Variants in SAP130 observed in about 807,000 individuals in gnomAD.
The protein encoded by SAP130 is Sin3A associated protein 130, also known as histone deacetylase complex subunit SAP130.
Under a neutral mutation model 103.2 loss-of-function variants are expected in SAP130, and 16 were observed. The observed-to-expected ratio is 0.16, with a 90% CI of 0.10 to 0.24. SAP130 has a LOEUF of 0.24. Among genes scored for constraint, SAP130 ranks in the 10% least tolerant of loss-of-function variants. The pLI is 1.00. For missense variants in SAP130, 990 were observed against 1,359.7 expected (o/e 0.73, Z 4.28); for synonymous variants, 477 against 497.0 (o/e 0.96, Z 0.53).
At chr2:127,987,472 C>T (rs1682484438) in intron 13 of SAP130, among the ~76,000 whole-genome samples, 1 of 152,148 alleles carries the variant, frequency 6.6e-6, no homozygotes, top group African/African-American at 2.4e-5. Flanking sequence ...AGGCGTGAGC[C>T]ACCACACTTG....
chr2:128,026,548 T>C lies in SAP130; in HGVS notation c.-6-250A>G, dbSNP rs7565003. 6.8e-3 allele frequency among the ~76,000 whole-genome samples: 1,043 copies of C among 152,324 alleles called. 18 individuals carry two copies. The highest frequency in any genetic ancestry group is 0.024 in the African/African-American group (1,000 of 41,580). ...CTCCATAAATACTTGTGGATTGCTATGCTAAAAAAATCACCATTGAATCCT... is the reference window on the plus strand; with the variant it reads ...CTCCATAAATACTTGTGGATTGCTACGCTAAAAAAATCACCATTGAATCCT... On this transcript the variant is annotated intron_variant, in intron 1 of 20. Coordinates refer to ENST00000643581, the MANE Select transcript of SAP130 (RefSeq NM_001330301.2).
intron 18 of SAP130, among the ~76,000 whole-genome samples, chr2:127,945,962 T>C (rs1679050266): frequency 6.6e-6 from 1 of 151,938 alleles, no homozygotes; most frequent in African/African-American, 2.4e-5. Context: ...CATAAGAACT[T>C]TTTTATTTGA....
In SAP130 at chr2:127,947,764, C is replaced by CTGTGTGAGTGTG. The variant is rs1553500424; in HGVS notation, c.2797+2104_2797+2105insCACACTCACACA. 2.0e-3 allele frequency among the ~76,000 whole-genome samples: 280 copies of CTGTGTGAGTGTG among 143,418 alleles called. 1 individual carries two copies. The highest frequency in any genetic ancestry group is 7.6e-3 in the East Asian group (37 of 4,878). The allele number at this position is 143,418 out of a possible 152,430, so 94.1% of individuals were successfully genotyped here. On this transcript the variant is annotated intron_variant, in intron 18 of 20. Transcript: ENST00000643581. ...TGAATTAATTTTGTATTGTGTGTGT[C>CTGTGTGAGTGTG]TGTGTGTGTGTGTGTGTGTGTGTGT...
In SAP130 at chr2:127,986,667, A is replaced by C; in HGVS notation, c.1958+118T>G. The C allele has an allele frequency of 1.7e-6, 2 of 1,169,806 alleles. No homozygotes were observed. Among genetic ancestry groups the C allele is most frequent in the Admixed American group, 4.4e-5 (2 of 45,284 alleles). 72.5% of individuals were successfully genotyped at this position (1,169,806 alleles called of 1,614,324 possible). ...GTCAAGTTGTTTTGGAGGAAATTTT[A>C]ACACACCACAGAAAATGAGAGATGA... On this transcript the variant is annotated intron_variant, in intron 14 of 20. Transcript: ENST00000643581. This position sits in a 1 kb window ranked among gnomAD's most constrained non-coding sequence, Gnocchi z 4.7.
intron 16 of SAP130, among the ~76,000 whole-genome samples, chr2:127,952,674 T>C (rs1330143119): frequency 6.6e-6 from 1 of 152,182 alleles, no homozygotes; most frequent in Non-Finnish European, 1.5e-5. Context: ...CAAAGGTCAC[T>C]GCTCAGACCT....
At chr2:127,964,607 T>A (rs1003626201) in intron 15 of SAP130, among the ~76,000 whole-genome samples, 1 of 151,200 alleles carries the variant, frequency 6.6e-6, no homozygotes, top group Non-Finnish European at 1.5e-5. Context: ...TTCATGGCCT[T>A]AAATACTGAA....
At chr2:127,960,085 A>G (rs369412424) in intron 15 of SAP130, among the ~76,000 whole-genome samples, 3 of 152,220 alleles carry the variant, frequency 2.0e-5, no homozygotes, top group African/African-American at 7.2e-5. Context: ...AAGATGGATC[A>G]GTATTATTAG....
At chr2:127,948,634 G>A (rs535202006) in intron 18 of SAP130, among the ~76,000 whole-genome samples, 5 of 152,082 alleles carry the variant, frequency 3.3e-5, no homozygotes, top group South Asian at 4.2e-4. Flanking sequence ...GAATCACCGC[G>A]CCTGGCCTCC....
rs1679787110 is a variant in SAP130 at position 127,955,618 on chromosome 2, C to G, written c.2064-274G>C. ...TCTCCCACCTCATCCTCCCGAGTAGCTGAGACTACAGGTGTGTGCCACCAT... is the reference window on the plus strand; with the variant it reads ...TCTCCCACCTCATCCTCCCGAGTAGGTGAGACTACAGGTGTGTGCCACCAT... On this transcript the variant is annotated intron_variant, in intron 15 of 20. Coordinates refer to ENST00000643581, the MANE Select transcript of SAP130 (RefSeq NM_001330301.2). The surrounding 1 kb of genome is among the most constrained non-coding windows in gnomAD (Gnocchi z 4.9). Among the ~76,000 whole-genome samples, 2 of 152,230 alleles carry G rather than the reference C, an allele frequency of 1.3e-5. No individual in the cohort carries two copies. The highest frequency in any genetic ancestry group is 4.1e-4 in the South Asian group (2 of 4,826).
chr2:127,976,352 C>T (rs1340962102), intron 15 of SAP130, among the ~76,000 whole-genome samples: 1 of 152,104 alleles, frequency 6.6e-6, no homozygotes. Context: ...ACTCTGTCTC[C>T]CTTTCTTCTT....
chr2:127,999,383 G>A (rs543854174), intron 10 of SAP130, among the ~76,000 whole-genome samples: 4 of 152,062 alleles, frequency 2.6e-5, no homozygotes, highest in African/African-American at 7.2e-5. Flanking sequence ...AGGCCGAGGC[G>A]GGCAGATCAT....
Position 127,942,278 on chromosome 2 carries a change from G to A in SAP130, c.3016-114C>T. The A allele has an allele frequency of 8.5e-7, 1 of 1,180,992 alleles. No homozygotes were observed. The highest frequency in any genetic ancestry group is 1.2e-6 in the Non-Finnish European group (1 of 824,962). The allele number at this position is 1,180,992 out of a possible 1,614,324, so 73.2% of individuals were successfully genotyped here. A position where few individuals can be genotyped will look rare whatever the true frequency, so the allele number is the denominator to read the frequency against. ...TTGAGGCTTCCACAACAGAGAAAAT[G>A]TCTTTTTGTTTCTCAGGAGTGCAGG... On this transcript the variant is annotated intron_variant, in intron 20 of 20. Coordinates refer to ENST00000643581, the MANE Select transcript of SAP130 (RefSeq NM_001330301.2). The surrounding 1 kb of genome is among the most constrained non-coding windows in gnomAD (Gnocchi z 4.8).
chr2:127,956,588 G>A (rs1420518885), intron 15 of SAP130, among the ~76,000 whole-genome samples: 1 of 150,040 alleles, frequency 6.7e-6, no homozygotes, highest in Non-Finnish European at 1.5e-5. Flanking sequence ...AGCATTAGGA[G>A]ATCTACCTAA....
At position 127,993,243 on chromosome 2, in the gene SAP130, G is replaced by A. The variant is rs772585265; in HGVS notation, c.1421C>T (p.Ala474Val). 3 of 1,613,934 alleles carry A rather than the reference G, an allele frequency of 1.9e-6. No individual in the cohort carries two copies. The highest frequency in any genetic ancestry group is 2.5e-6 in the Non-Finnish European group (3 of 1,179,928). Residue 474 changes from alanine to valine, a missense_variant, in exon 12 of 21, where the codon GCG becomes GTG. Ala to Val is a moderately conservative substitution (Grantham distance 64). This residue lies in a region of SAP130 where 336 missense variants were observed against 520.1 expected (regional missense o/e 0.65). Coordinates refer to ENST00000643581, the MANE Select transcript of SAP130 (RefSeq NM_001330301.2). ...GGTGATTGGGGTGTAGGTATGTGCCGCCAGTGGGTATGCAGAAGGGGGGTA... is the reference window on the plus strand; with the variant it reads ...GGTGATTGGGGTGTAGGTATGTGCCACCAGTGGGTATGCAGAAGGGGGGTA... ...PTYPPSAYPL[A>V]AHTYTPITSS...
rs1170306199 is a variant in SAP130, at chr2:128,027,927, G to C, written c.-7+13C>G. On this transcript the variant is annotated intron_variant, in intron 1 of 20. Coordinates refer to ENST00000643581, the MANE Select transcript of SAP130 (RefSeq NM_001330301.2). ...TCCTCCCCTTCCCTCCCGGGCGCCC[G>C]TCCCGCCATTACCTGGGTGCTGCGC... 1.0e-6 allele frequency: 1 copy of C among 983,758 alleles called. No homozygotes were observed. The highest frequency in any genetic ancestry group is 1.8e-5 in the African/African-American group (1 of 56,578). The allele number at this position is 983,758 out of a possible 1,614,324, so 60.9% of individuals were successfully genotyped here.
chr2:127,963,373 G>A (rs1275335505), intron 15 of SAP130, among the ~76,000 whole-genome samples: 1 of 152,092 alleles, frequency 6.6e-6, no homozygotes, highest in Non-Finnish European at 1.5e-5. Flanking sequence ...AGGACCACAG[G>A]TGCGTGCCAC....
chr2:127,977,879 G>T, intron 15 of SAP130, 106 bp downstream of exon 15: 1 of 855,246 alleles, frequency 1.2e-6, no homozygotes, highest in Non-Finnish European at 1.9e-6. Context: ...CTCCAGCCTG[G>T]GCTATATAAC....
chr2:127,949,606 T>C (rs888170727), intron 18 of SAP130, among the ~76,000 whole-genome samples: 2 of 152,200 alleles, frequency 1.3e-5, no homozygotes, highest in African/African-American at 4.8e-5. Flanking sequence ...GCTGTTAACA[T>C]GTGGGTTTTA....
chr2:128,010,234 C>T (rs1439467408), intron 7 of SAP130, 35 bp downstream of exon 7: 2 of 1,582,464 alleles, frequency 1.3e-6, no homozygotes, highest in Non-Finnish European at 1.7e-6. Context: ...AGGAGGATGG[C>T]AGGAAGGTTC....
Sources: allele counts gnomAD v4.1 joint callset (sites outside exome capture counted in the v4.1 genomes callset), GRCh38; gene constraint gnomAD v4.1.1; regional missense constraint gnomAD v4.1.1; non-coding constraint Gnocchi (gnomAD v3.1); transcripts MANE v1.5; gene names NCBI Gene and HGNC (gene_info 2026-07-23, HGNC 2026-07-21).